Variants in PTPRK observed in about 807,000 individuals in gnomAD.
PTPRK encodes the protein protein tyrosine phosphatase receptor type K.
In PTPRK, 75 loss-of-function variants were observed where a neutral mutation model predicts 178.0. The ratio of observed to expected loss-of-function variants is 0.42; its 90% CI spans 0.35 to 0.51. PTPRK has a LOEUF of 0.51. PTPRK is among the 20% of genes least tolerant of loss of function. The pLI, the probability that PTPRK is intolerant of heterozygous loss-of-function variation, is 0.02. For synonymous variants in PTPRK, 637 were observed against 620.6 expected (o/e 1.03, Z -0.39); for missense variants, 1,441 against 1,797.8 (o/e 0.80, Z 3.59).
At chr6:128,085,965 G>A (rs1785734158) in intron 8 of PTPRK, among the ~76,000 whole-genome samples, 1 of 152,178 alleles carries the variant, frequency 6.6e-6, no homozygotes, top group South Asian at 2.1e-4. Flanking sequence ...AAGATCATGT[G>A]TACAATTATA....
At chr6:128,199,455 G>C (rs540082710) in intron 6 of PTPRK, among the ~76,000 whole-genome samples, 2 of 152,084 alleles carry the variant, frequency 1.3e-5, no homozygotes, top group Non-Finnish European at 2.9e-5. Flanking sequence ...TTATTAACTA[G>C]AATGGAATGA....
chr6:128,287,888 TTCATTTTTTAAAAAGCCTTCTGA>T (rs1359777786), intron 3 of PTPRK, among the ~76,000 whole-genome samples: 1 of 152,200 alleles, frequency 6.6e-6, no homozygotes, highest in Non-Finnish European at 1.5e-5. Flanking sequence ...AGTAGTTTCT[TTCATTTTTTAAAAAGCCTTCTGA>T]TCATGATTAT....
intron 7 of PTPRK, among the ~76,000 whole-genome samples, chr6:128,141,840 C>A (rs1795814612): frequency 6.6e-6 from 1 of 151,894 alleles, no homozygotes; most frequent in African/African-American, 2.4e-5. Context: ...ATCCTCACAT[C>A]ATATAGAAGC....
intron 28 of PTPRK, 92 bp from the exon 29 acceptor site, chr6:127,973,249 T>C (rs2114604419): frequency 6.5e-7 from 1 of 1,550,170 alleles, no homozygotes; most frequent in Non-Finnish European, 8.7e-7. Context: ...TAAGACATTG[T>C]AGTTTTAATT....
chr6:128,233,544 A>G (rs1399327867), intron 5 of PTPRK, among the ~76,000 whole-genome samples: 3 of 152,220 alleles, frequency 2.0e-5, no homozygotes, highest in Non-Finnish European at 2.9e-5. Context: ...CTCTCCAATT[A>G]GTACTCTCAA....
chr6:128,439,089 G>A (rs1845971758), intron 1 of PTPRK, among the ~76,000 whole-genome samples: 1 of 152,064 alleles, frequency 6.6e-6, no homozygotes, highest in Non-Finnish European at 1.5e-5. Context: ...TTAAAAAAAC[G>A]GAAAAATTTC....
At chr6:128,517,102 A>G (rs201803427) in intron 1 of PTPRK, among the ~76,000 whole-genome samples, 8 of 152,010 alleles carry the variant, frequency 5.3e-5, no homozygotes, top group East Asian at 1.9e-4. Context: ...ACACGTGCGC[A>G]CACACACACT....
intron 15 of PTPRK, among the ~76,000 whole-genome samples, chr6:127,999,792 T>G (rs1354257379): frequency 6.6e-6 from 1 of 152,098 alleles, no homozygotes; most frequent in African/African-American, 2.4e-5. Context: ...AATATTTTTC[T>G]TTCTATTCCT....
chr6:128,298,885 G>T (rs1337313463), intron 3 of PTPRK, among the ~76,000 whole-genome samples: 1 of 152,136 alleles, frequency 6.6e-6, no homozygotes, highest in Non-Finnish European at 1.5e-5. Flanking sequence ...TTAGGCAGGA[G>T]AAGGAAATAA....
intron 10 of PTPRK, among the ~76,000 whole-genome samples, chr6:128,081,283 A>G (rs2114995473): frequency 1.3e-5 from 2 of 152,166 alleles, no homozygotes; most frequent in South Asian, 4.1e-4. Context: ...ATTTTAAAAC[A>G]TTGTTATTTT....
chr6:128,345,662 A>T (rs1474891077), intron 2 of PTPRK, among the ~76,000 whole-genome samples: 1 of 152,200 alleles, frequency 6.6e-6, no homozygotes, highest in Non-Finnish European at 1.5e-5. Context: ...TTCTCCTCCA[A>T]TGCAGTCCAG....
rs757429434 is a variant in PTPRK at position 128,322,218 on chromosome 6, T to C, written c.316A>G (p.Ile106Val). Reference protein sequence around the residue: ...PTMKENDTHCIDFSYLLYSQK... With the variant: ...PTMKENDTHCVDFSYLLYSQK... ...CTATATAATAGGTAACTGAAATCAA[T>C]GCAGTGAGTGTCGTTCTCCTTCATT... The change falls in exon 3 of 30, where the codon ATT (isoleucine) becomes GTT (valine). Residue 106 changes from isoleucine (I) to valine (V), a missense_variant. Ile to Val is a conservative substitution (Grantham distance 29, BLOSUM62 3). This residue lies in a region of PTPRK where 158 missense variants were observed against 188.0 expected (regional missense o/e 0.84). Transcript: ENST00000368226. 4.3e-6 allele frequency: 7 copies of C among 1,613,694 alleles called. No homozygotes were observed. The South Asian group carries it at 5.5e-5, about 13-fold the overall frequency.
chr6:127,987,572 T>TAAA (rs1242909709), intron 21 of PTPRK, among the ~76,000 whole-genome samples: 48 of 152,284 alleles, frequency 3.2e-4, no homozygotes, highest in African/African-American at 1.1e-3. Flanking sequence ...TATGCAGATT[T>TAAA]GGTCATTTAA....
intron 7 of PTPRK, among the ~76,000 whole-genome samples, chr6:128,174,115 T>C (rs937515819): frequency 2.0e-5 from 3 of 151,948 alleles, no homozygotes; most frequent in Non-Finnish European, 4.4e-5. Context: ...TTCTGCATGT[T>C]TGTAGTTTTT....
chr6:128,257,186 C>A (rs903940529), intron 3 of PTPRK, among the ~76,000 whole-genome samples: 1 of 150,558 alleles, frequency 6.6e-6, no homozygotes, highest in African/African-American at 2.5e-5. Context: ...GCCCAGATCA[C>A]GCCATTGCAC....
In PTPRK at chr6:128,045,338, A is replaced by G. The variant is rs1401079583; in HGVS notation, c.2194+19420T>C. ...CTTTCCTCTATTTACAGTAATGACA[A>G]TACTCTCCATCTAGTAGGTGGAGGC... is the stretch of plus-strand genomic sequence containing the variant. On this transcript the variant is annotated intron_variant, in intron 13 of 29. Transcript: ENST00000368226. Among the ~76,000 whole-genome samples the G allele has an allele frequency of 2.6e-5, 4 of 151,960 alleles. No homozygotes were observed. In the East Asian group the frequency reaches 5.8e-4, roughly 22 times the overall value.
At chr6:128,206,673 A>T (rs974065746) in intron 6 of PTPRK, among the ~76,000 whole-genome samples, 5 of 152,190 alleles carry the variant, frequency 3.3e-5, no homozygotes, top group African/African-American at 9.6e-5. Flanking sequence ...TTCATATAAT[A>T]CCATAGGCAC....
chr6:128,091,611 T>A (rs1038130021), intron 7 of PTPRK, among the ~76,000 whole-genome samples: 3 of 152,190 alleles, frequency 2.0e-5, no homozygotes, highest in African/African-American at 7.2e-5. Context: ...AGATTTCCCA[T>A]GAAAATACCT....
At position 128,178,203 on chromosome 6, in the gene PTPRK, T is replaced by G. The variant is rs189658629; in HGVS notation, c.1162+6229A>C. Among the ~76,000 whole-genome samples the G allele has an allele frequency of 1.7e-3, 258 of 152,002 alleles. 1 individual carries two copies. The highest frequency in any genetic ancestry group is 5.9e-3 in the African/African-American group (245 of 41,538). Reference sequence around the variant, plus strand: ...CTCTCTTCTTTGGATTACTGAAGTATGTTATATTTTTATTGTATCATTTAT... The same window carrying G: ...CTCTCTTCTTTGGATTACTGAAGTAGGTTATATTTTTATTGTATCATTTAT... On this transcript the variant is annotated intron_variant, in intron 7 of 29. Coordinates refer to ENST00000368226, the MANE Select transcript of PTPRK (RefSeq NM_002844.4).
Sources: gnomAD v4.1 joint callset for allele counts (sites outside exome capture counted in the v4.1 genomes callset) on GRCh38, gnomAD v4.1.1 for gene constraint, gnomAD v4.1.1 regional missense constraint, MANE v1.5 for transcripts, NCBI Gene and HGNC (gene_info 2026-07-23, HGNC 2026-07-21) for gene names.